Variants in XRCC4 observed in about 807,000 individuals in gnomAD.
XRCC4 encodes DNA repair protein XRCC4.
In XRCC4, 28 loss-of-function variants were observed where a neutral mutation model predicts 39.1. The ratio of observed to expected loss-of-function variants is 0.72; its 90% CI spans 0.53 to 0.98. The LOEUF is 0.98. XRCC4 is among the 50% of genes least tolerant of loss of function. XRCC4 has a pLI of 0.00. For missense variants in XRCC4, 350 were observed against 376.4 expected (o/e 0.93, Z 0.58); for synonymous variants, 123 against 126.4 (o/e 0.97, Z 0.18).
At chr5:83,144,760 A>C (rs1561360547) in intron 3 of XRCC4, among the ~76,000 whole-genome samples, 1 of 151,704 alleles carries the variant, frequency 6.6e-6, no homozygotes, top group Non-Finnish European at 1.5e-5. Context: ...CTTCAAGTTC[A>C]TTGTCTCTAT....
At chr5:83,194,207 A>G (rs1442725618) in intron 3 of XRCC4, among the ~76,000 whole-genome samples, 1 of 152,190 alleles carries the variant, frequency 6.6e-6, no homozygotes, top group Non-Finnish European at 1.5e-5. Context: ...TGGCCTCCCA[A>G]AGTGTTGGGA....
At chr5:83,174,286 A>C (rs1212970357) in intron 3 of XRCC4, among the ~76,000 whole-genome samples, 4 of 152,218 alleles carry the variant, frequency 2.6e-5, no homozygotes, top group Non-Finnish European at 4.4e-5. Flanking sequence ...ATAATTGAAC[A>C]TAAATCTTTG....
At chr5:83,269,101 T>C (rs1308602598) in intron 7 of XRCC4, among the ~76,000 whole-genome samples, 2 of 152,172 alleles carry the variant, frequency 1.3e-5, no homozygotes, top group Admixed American at 1.3e-4. Flanking sequence ...CTTTCGGGTC[T>C]CAAGTATATT....
intron 3 of XRCC4, among the ~76,000 whole-genome samples, chr5:83,181,218 C>T (rs1750191459): frequency 1.3e-5 from 2 of 151,190 alleles, no homozygotes; most frequent in South Asian, 2.1e-4. Flanking sequence ...CTCAATCTTC[C>T]CTTAATTTCC....
chr5:83,133,690 G>C (rs1747726980), intron 3 of XRCC4, among the ~76,000 whole-genome samples: 2 of 152,336 alleles, frequency 1.3e-5, no homozygotes, highest in East Asian at 1.9e-4. Flanking sequence ...CTCCAAGCCA[G>C]GCGTGGGATA....
intron 7 of XRCC4, among the ~76,000 whole-genome samples, chr5:83,278,966 A>G (rs1413487974): frequency 6.9e-6 from 1 of 145,050 alleles, no homozygotes; most frequent in Non-Finnish European, 1.5e-5. Flanking sequence ...CCACCACTCC[A>G]CTCCAGCCTG....
chr5:83,362,317 A>AAAAAAAAATAT, the XRCC4 span, among the ~76,000 whole-genome samples: 1 of 146,982 alleles, frequency 6.8e-6, no homozygotes, highest in Non-Finnish European at 1.5e-5. Flanking sequence ...AAAAAAAAAA[A>AAAAAAAAATAT]ACTATCTCAT....
At chr5:83,212,638 A>G (rs936208655) in intron 6 of XRCC4, among the ~76,000 whole-genome samples, 10 of 152,194 alleles carry the variant, frequency 6.6e-5, no homozygotes, top group African/African-American at 2.4e-4. Flanking sequence ...GATAAATACC[A>G]AAAGATAGGC....
At chr5:83,199,070 G>A (rs1046163673) in intron 4 of XRCC4, among the ~76,000 whole-genome samples, 3 of 152,094 alleles carry the variant, frequency 2.0e-5, no homozygotes, top group Non-Finnish European at 4.4e-5. Flanking sequence ...GCAGTTTTCA[G>A]GGAATTGGGT....
the XRCC4 span, among the ~76,000 whole-genome samples, chr5:83,364,716 G>A: frequency 7.0e-3 from 1,073 of 152,254 alleles, 17 homozygotes; most frequent in African/African-American, 0.025. Context: ...AGAAAAACAC[G>A]GTTGAGTCTT....
In XRCC4 at chr5:83,079,220, G is replaced by T. The variant is rs981859208; in HGVS notation, c.-11+1605G>T. Among the ~76,000 whole-genome samples, 6 of 152,288 alleles carry T rather than the reference G, an allele frequency of 3.9e-5. No homozygotes were observed. The South Asian group carries it at 1.0e-3, about 26-fold the overall frequency. On this transcript the variant is annotated intron_variant, in intron 1 of 7. Transcript: ENST00000396027. ...CTGAGCTTCAAAACAGTAAAGAACG[G>T]CATTGCCAGTTTTTAAGTTATCTAT...
intron 7 of XRCC4, among the ~76,000 whole-genome samples, chr5:83,337,586 G>A (rs1175387105): frequency 6.6e-6 from 1 of 152,138 alleles, no homozygotes; most frequent in Non-Finnish European, 1.5e-5. Flanking sequence ...AAGAGCTTTT[G>A]GATGGCTCTC....
intron 3 of XRCC4, among the ~76,000 whole-genome samples, chr5:83,134,780 T>C (rs1055517489): frequency 6.6e-6 from 1 of 152,178 alleles, no homozygotes. Context: ...TCTGCCTTTA[T>C]GAGCTGTAAC....
At chr5:83,267,166 C>A (rs986435261) in intron 7 of XRCC4, among the ~76,000 whole-genome samples, 2 of 152,038 alleles carry the variant, frequency 1.3e-5, no homozygotes, top group Admixed American at 1.3e-4. Context: ...AGAAGACTGA[C>A]CAGGAGGAAG....
At chr5:83,314,256 G>C in intron 7 of XRCC4, among the ~76,000 whole-genome samples, 1 of 152,012 alleles carries the variant, frequency 6.6e-6, no homozygotes, top group East Asian at 1.9e-4. Context: ...AAGTAATGCT[G>C]TTCTATACTT....
chr5:83,117,117 C>T (rs989146150), intron 3 of XRCC4, among the ~76,000 whole-genome samples: 14 of 152,096 alleles, frequency 9.2e-5, no homozygotes, highest in Non-Finnish European at 1.8e-4. Flanking sequence ...TAACTTCATT[C>T]TCATTTGAAT....
chr5:83,199,844 T>A (rs1561398990), intron 4 of XRCC4, among the ~76,000 whole-genome samples: 1 of 152,176 alleles, frequency 6.6e-6, no homozygotes, highest in East Asian at 1.9e-4. Flanking sequence ...AGCATTATTG[T>A]TCTGTTTTCC....
intron 3 of XRCC4, among the ~76,000 whole-genome samples, chr5:83,122,593 T>G (rs963414988): frequency 2.6e-5 from 4 of 152,164 alleles, no homozygotes; most frequent in Non-Finnish European, 5.9e-5. Context: ...TCTTATGCAT[T>G]TTATATTAGG....
At chr5:83,363,818 A>T in the XRCC4 span, among the ~76,000 whole-genome samples, 1 of 152,202 alleles carries the variant, frequency 6.6e-6, no homozygotes, top group African/African-American at 2.4e-5. Context: ...CCCTGCTTTG[A>T]CATCTTTATT....
Sources: allele counts gnomAD v4.1 joint callset (sites outside exome capture counted in the v4.1 genomes callset), GRCh38; gene constraint gnomAD v4.1.1; transcripts MANE v1.5; gene names NCBI Gene and HGNC (gene_info 2026-07-23, HGNC 2026-07-21).